NFASC: variants seen among roughly 807,000 people sequenced by gnomAD.
NFASC encodes the protein neurofascin homolog.
A neutral mutation model predicts 147.5 loss-of-function variants in NFASC; 43 were observed. The observed-to-expected ratio is 0.29, with a 90% CI of 0.23 to 0.38. The LOEUF (loss-of-function observed/expected upper bound fraction) is 0.38, where lower values mean the gene tolerates loss of function less well. Ranked by LOEUF, NFASC falls within the 10% of genes least tolerant of loss-of-function variation. The pLI is 1.00. For synonymous variants in NFASC, 622 were observed against 665.5 expected (o/e 0.93, Z 1.01); for missense variants, 1,320 against 1,689.0 (o/e 0.78, Z 3.83).
chr1:204,969,757 C>G (rs1383587985), intron 10 of NFASC, among the ~76,000 whole-genome samples: 2 of 152,246 alleles, frequency 1.3e-5, no homozygotes, highest in South Asian at 2.1e-4. Flanking sequence ...ACAAAATTGT[C>G]TAAACAACTG....
At chr1:204,870,201 A>T (rs1462518671) in intron 1 of NFASC, among the ~76,000 whole-genome samples, 3 of 152,190 alleles carry the variant, frequency 2.0e-5, no homozygotes, top group Non-Finnish European at 4.4e-5. Flanking sequence ...CCTGCAGAAG[A>T]TAGGGACAAG....
At chr1:204,935,505 G>A (rs1310181371) in intron 2 of NFASC, among the ~76,000 whole-genome samples, 2 of 152,174 alleles carry the variant, frequency 1.3e-5, no homozygotes, top group East Asian at 1.9e-4. Flanking sequence ...CAGCTTTCCT[G>A]GTCAGTTCTG....
At chr1:204,937,135 T>C (rs959045531) in intron 2 of NFASC, among the ~76,000 whole-genome samples, 2 of 151,102 alleles carry the variant, frequency 1.3e-5, no homozygotes, top group African/African-American at 4.9e-5. Flanking sequence ...CATCAATCAC[T>C]ACTGTGGTTT....
chr1:204,995,165 A>ATAAT (rs1382011602), intron 24 of NFASC, among the ~76,000 whole-genome samples: 1 of 152,168 alleles, frequency 6.6e-6, no homozygotes, highest in Admixed American at 6.5e-5. Context: ...AGTAGACAAA[A>ATAAT]TAATTGCTCC....
chr1:204,961,792 A>C (rs1159609863), intron 8 of NFASC, among the ~76,000 whole-genome samples: 1 of 152,240 alleles, frequency 6.6e-6, no homozygotes, highest in African/African-American at 2.4e-5. Context: ...TCCTTCTCTC[A>C]TTTGTTTGAA....
chr1:204,842,016 G>A (rs1675506475), intron 1 of NFASC, among the ~76,000 whole-genome samples: 2 of 152,176 alleles, frequency 1.3e-5, no homozygotes, highest in Non-Finnish European at 2.9e-5. Flanking sequence ...CCCAGTCCAG[G>A]TGCTTATACA....
At chr1:204,974,343 C>A in intron 13 of NFASC, 53 bp downstream of exon 13, 1 of 1,387,494 alleles carries the variant, frequency 7.2e-7, no homozygotes, top group Non-Finnish European at 1.0e-6. Flanking sequence ...GTCTCATCTT[C>A]TCCTTCCCAT....
chr1:204,841,739 A>G (rs764420181), intron 1 of NFASC, among the ~76,000 whole-genome samples: 2 of 152,180 alleles, frequency 1.3e-5, no homozygotes, highest in African/African-American at 4.8e-5. Context: ...TTCCCTAACC[A>G]TCTTACTTCC....
chr1:204,911,319 T>C (rs1184471172), intron 1 of NFASC, among the ~76,000 whole-genome samples: 3 of 152,250 alleles, frequency 2.0e-5, no homozygotes, highest in Non-Finnish European at 4.4e-5. Flanking sequence ...TAATTCTTTT[T>C]ATTTATTGCT....
At chr1:204,912,181 G>A (rs1209143119) in intron 1 of NFASC, among the ~76,000 whole-genome samples, 1 of 151,462 alleles carries the variant, frequency 6.6e-6, no homozygotes, top group African/African-American at 2.4e-5. Flanking sequence ...AGGTTTTGGG[G>A]TGGGAGGCTG....
intron 3 of NFASC, among the ~76,000 whole-genome samples, chr1:204,950,001 G>A (rs2094000319): frequency 6.6e-6 from 1 of 152,214 alleles, no homozygotes; most frequent in African/African-American, 2.4e-5. Context: ...ACCATGAAAG[G>A]GGCATTTGCC....
chr1:204,934,903 G>T (rs1012196064), intron 2 of NFASC, among the ~76,000 whole-genome samples: 1 of 152,222 alleles, frequency 6.6e-6, no homozygotes, highest in Non-Finnish European at 1.5e-5. Flanking sequence ...AGGATAGTAT[G>T]GGTGCTGGCT....
chr1:204,913,053 T>C (rs1467507588), intron 1 of NFASC, among the ~76,000 whole-genome samples: 1 of 152,094 alleles, frequency 6.6e-6, no homozygotes, highest in African/African-American at 2.4e-5. Flanking sequence ...AATTTAAAAA[T>C]AGAAAAATAA....
At chr1:204,988,555 C>A in intron 22 of NFASC, 78 bp from the exon 23 acceptor site, 1 of 1,320,670 alleles carries the variant, frequency 7.6e-7, no homozygotes, top group Non-Finnish European at 1.1e-6. Flanking sequence ...GGAAAGTGTT[C>A]TTCCTCCAGC....
chr1:204,947,596 G>T (rs1030965515), intron 3 of NFASC, among the ~76,000 whole-genome samples: 1 of 150,952 alleles, frequency 6.6e-6, no homozygotes, highest in African/African-American at 2.4e-5. Flanking sequence ...GAAGTCACAC[G>T]CACCCCTCCC....
intron 1 of NFASC, among the ~76,000 whole-genome samples, chr1:204,881,490 G>T (rs1040374669): frequency 6.6e-5 from 10 of 152,202 alleles, no homozygotes; most frequent in African/African-American, 2.2e-4. Flanking sequence ...CTCATTTCTG[G>T]GTTGGAGTCA....
rs2096389435 is a variant in NFASC, at chr1:205,019,995, T to G, written c.*3456T>G. 1 of 152,260 alleles carries G rather than the reference T, an allele frequency of 6.6e-6. No homozygotes were observed. Among genetic ancestry groups the G allele is most frequent in the African/African-American group, 2.4e-5 (1 of 41,450 alleles). The allele number at this position is 152,260 out of a possible 1,614,324, so 9.4% of individuals were successfully genotyped here. On this transcript the variant is annotated 3_prime_UTR_variant, in exon 30 of 30. Transcript: ENST00000339876. ...CCCACCTTGCCTGGGTGATGGTGAA[T>G]GGGACTCATCTTTTCCTGCCTTGCT...
chr1:204,952,242 T>C, intron 5 of NFASC, 126 bp downstream of exon 5: 1 of 711,892 alleles, frequency 1.4e-6, no homozygotes, highest in East Asian at 2.7e-5. Flanking sequence ...ATTAGGCACC[T>C]ACTAGGTGGA....
intron 7 of NFASC, 147 bp downstream of exon 7, chr1:204,955,098 C>T (rs2094364653): frequency 5.2e-6 from 5 of 967,616 alleles, no homozygotes; most frequent in Non-Finnish European, 7.8e-6. Flanking sequence ...AGAACACAGG[C>T]TCTGCAGAGA....
Sources: gnomAD v4.1 joint callset for allele counts (sites outside exome capture counted in the v4.1 genomes callset) on GRCh38, gnomAD v4.1.1 for gene constraint, MANE v1.5 for transcripts, NCBI Gene and HGNC (gene_info 2026-07-23, HGNC 2026-07-21) for gene names.